PRKCE: variants seen among roughly 807,000 people sequenced by gnomAD.
The protein encoded by PRKCE is protein kinase C epsilon type.
In PRKCE, 16 loss-of-function variants were observed where a neutral mutation model predicts 85.4. The ratio of observed to expected loss-of-function variants is 0.19; its 90% CI spans 0.13 to 0.28. The LOEUF (loss-of-function observed/expected upper bound fraction) is 0.28. PRKCE is among the 10% of genes least tolerant of loss of function. The pLI is 1.00. For synonymous variants in PRKCE, 388 were observed against 371.5 expected, an observed-to-expected ratio of 1.04 and a Z score of -0.51; for missense variants, 573 against 975.2, an observed-to-expected ratio of 0.59 and a Z score of 5.49.
intron 1 of PRKCE, among the ~76,000 whole-genome samples, chr2:45,740,482 C>G (rs1473039609): frequency 6.6e-6 from 1 of 152,142 alleles, no homozygotes; most frequent in African/African-American, 2.4e-5. Flanking sequence ...CTCTTTCCCC[C>G]TCACTCCTCT....
chr2:45,824,621 C>T (rs1689798919), intron 1 of PRKCE, among the ~76,000 whole-genome samples: 1 of 151,134 alleles, frequency 6.6e-6, no homozygotes, highest in Non-Finnish European at 1.5e-5. Context: ...TTCTTTTTCT[C>T]CTCCTTTTCT....
At chr2:45,837,642 C>T (rs1573554005) in intron 1 of PRKCE, among the ~76,000 whole-genome samples, 3 of 152,136 alleles carry the variant, frequency 2.0e-5, no homozygotes, top group Non-Finnish European at 2.9e-5. Flanking sequence ...TGGGGTTGTG[C>T]AGCTGGTGTG....
At chr2:45,875,486 G>T (rs1272256220) in intron 2 of PRKCE, among the ~76,000 whole-genome samples, 1 of 152,216 alleles carries the variant, frequency 6.6e-6, no homozygotes, top group Admixed American at 6.5e-5. Flanking sequence ...GGGTCTGGAG[G>T]CTTTAACAGA....
At chr2:46,096,061 C>A (rs115156840) in intron 11 of PRKCE, among the ~76,000 whole-genome samples, 2 of 152,244 alleles carry the variant, frequency 1.3e-5, no homozygotes, top group African/African-American at 4.8e-5. Flanking sequence ...CCTGTCCTCT[C>A]TGTTGCCAGT....
chr2:46,147,506 C>T (rs1187146492), intron 12 of PRKCE, among the ~76,000 whole-genome samples: 2 of 152,232 alleles, frequency 1.3e-5, no homozygotes, highest in Admixed American at 1.3e-4. Flanking sequence ...TGGTGAGACT[C>T]ACAATGAACA....
intron 1 of PRKCE, among the ~76,000 whole-genome samples, chr2:45,696,857 G>T (rs572342846): frequency 1.3e-5 from 2 of 152,150 alleles, no homozygotes; most frequent in Non-Finnish European, 2.9e-5. Flanking sequence ...TGAAGCCCTG[G>T]TGAGGACCTA....
chr2:46,048,051 C>A (rs1009346913), intron 10 of PRKCE, among the ~76,000 whole-genome samples: 3 of 152,194 alleles, frequency 2.0e-5, no homozygotes, highest in Non-Finnish European at 4.4e-5. Flanking sequence ...TTTAATTTAA[C>A]TCACCTACTT....
At chr2:46,094,365 T>C (rs1044765555) in intron 11 of PRKCE, among the ~76,000 whole-genome samples, 6 of 152,222 alleles carry the variant, frequency 3.9e-5, no homozygotes, top group Admixed American at 3.9e-4. Context: ...ATTGAGACTT[T>C]CCTTTTATAT....
At chr2:45,879,572 A>G (rs1694732026) in intron 2 of PRKCE, among the ~76,000 whole-genome samples, 1 of 152,196 alleles carries the variant, frequency 6.6e-6, no homozygotes, top group Admixed American at 6.5e-5. Context: ...CAGATGTTGC[A>G]GGTACTCTCC....
intron 10 of PRKCE, among the ~76,000 whole-genome samples, chr2:46,012,448 G>A (rs927635216): frequency 6.6e-6 from 1 of 152,048 alleles, no homozygotes; most frequent in African/African-American, 2.4e-5. Context: ...CAAGGTAGTG[G>A]GGCCTTGCTC....
intron 1 of PRKCE, among the ~76,000 whole-genome samples, chr2:45,773,849 CT>C (rs1223962698): frequency 6.6e-6 from 1 of 152,190 alleles, no homozygotes; most frequent in African/African-American, 2.4e-5. Context: ...TACCCTGGGG[CT>C]CCTGTACCTA....
intron 2 of PRKCE, among the ~76,000 whole-genome samples, chr2:45,937,381 G>A (rs565559419): frequency 2.2e-4 from 33 of 152,274 alleles, no homozygotes; most frequent in African/African-American, 7.9e-4. Flanking sequence ...GCTAACACCT[G>A]GTAGGCCCCA....
chr2:45,663,445 A>C (rs1158878491), intron 1 of PRKCE, among the ~76,000 whole-genome samples: 1 of 152,144 alleles, frequency 6.6e-6, no homozygotes, highest in African/African-American at 2.4e-5. Flanking sequence ...GGCCTTGAGG[A>C]AAATGGGATC....
intron 1 of PRKCE, among the ~76,000 whole-genome samples, chr2:45,705,326 T>C (rs1228562725): frequency 1.3e-5 from 2 of 152,220 alleles, no homozygotes; most frequent in African/African-American, 4.8e-5. Context: ...GCGGAGAAAT[T>C]TGGCTCAGAC....
Position 45,814,896 on chromosome 2 carries a change from G to A in PRKCE, c.349-28104G>A, listed in dbSNP as rs867435834. On this transcript the variant is annotated intron_variant, in intron 1 of 14. Coordinates refer to ENST00000306156, the MANE Select transcript of PRKCE (RefSeq NM_005400.3). ...GGAGAAGAGACCCAAGAAGGGTCCC[G>A]TGCTTTGGAGGCTGTGGCAATGTGA... Among the ~76,000 whole-genome samples, 145 of 152,250 alleles carry A rather than the reference G, an allele frequency of 9.5e-4. 1 individual carries two copies. The highest frequency in any genetic ancestry group is 3.3e-3 in the African/African-American group (138 of 41,548).
intron 6 of PRKCE, among the ~76,000 whole-genome samples, chr2:45,994,781 C>T (rs941697577): frequency 3.3e-5 from 5 of 152,318 alleles, no homozygotes; most frequent in African/African-American, 4.8e-5. Flanking sequence ...CATAACTCTT[C>T]ACCTCATTTG....
At chr2:45,720,203 C>T (rs1350261925) in intron 1 of PRKCE, among the ~76,000 whole-genome samples, 2 of 152,152 alleles carry the variant, frequency 1.3e-5, no homozygotes, top group African/African-American at 4.8e-5. Context: ...GGAAACAAGA[C>T]TTCAAAGCTG....
intron 2 of PRKCE, among the ~76,000 whole-genome samples, chr2:45,937,353 C>T (rs896478677): frequency 8.5e-5 from 13 of 152,184 alleles, no homozygotes; most frequent in African/African-American, 2.9e-4. Context: ...ACCTGAGCCA[C>T]GATGTTATGG....
chr2:45,727,050 G>T (rs1028992336), intron 1 of PRKCE, among the ~76,000 whole-genome samples: 1 of 152,168 alleles, frequency 6.6e-6, no homozygotes, highest in African/African-American at 2.4e-5. Context: ...CCTGCCATTT[G>T]CTAAGCAAAT....
Sources: allele counts gnomAD v4.1 joint callset (sites outside exome capture counted in the v4.1 genomes callset), GRCh38; gene constraint gnomAD v4.1.1; transcripts MANE v1.5; gene names NCBI Gene and HGNC (gene_info 2026-07-23, HGNC 2026-07-21).